The following OR3A2 variants were observed in gnomAD, a reference collection of about 807,000 sequenced individuals.
OR3A2 encodes the protein olfactory receptor 3A2.
For synonymous variants in OR3A2, 126 were observed against 159.3 expected, an observed-to-expected ratio of 0.79 and a Z score of 1.57; for missense variants, 318 against 392.8, an observed-to-expected ratio of 0.81 and a Z score of 1.61.
chr17:3,282,699 A>G (rs1337402958), intron 1 of OR3A2, among the ~76,000 whole-genome samples: 2 of 152,256 alleles, frequency 1.3e-5, no homozygotes, highest in Admixed American at 1.3e-4. Context: ...TATCACTGAC[A>G]GAGGTGGTAA....
chr17:3,279,704 C>G (rs1357617862), intron 1 of OR3A2, among the ~76,000 whole-genome samples: 2 of 152,178 alleles, frequency 1.3e-5, no homozygotes, highest in Non-Finnish European at 2.9e-5. Context: ...AGGAGAATCG[C>G]TTGAACCCGA....
intron 3 of OR3A2, among the ~76,000 whole-genome samples, chr17:3,321,179 T>C (rs1465611973): frequency 6.6e-6 from 1 of 151,180 alleles, no homozygotes; most frequent in Non-Finnish European, 1.5e-5. Flanking sequence ...GGCTCTCTGT[T>C]TGTCTGTTGT....
intron 3 of OR3A2, among the ~76,000 whole-genome samples, chr17:3,326,128 T>A (rs2049169793): frequency 6.6e-6 from 1 of 152,172 alleles, no homozygotes; most frequent in Non-Finnish European, 1.5e-5. Context: ...TCTCATTCAT[T>A]TCTATGGCTG....
intron 3 of OR3A2, among the ~76,000 whole-genome samples, chr17:3,313,174 C>T (rs1234675321): frequency 6.6e-6 from 1 of 152,174 alleles, no homozygotes; most frequent in Admixed American, 6.5e-5. Flanking sequence ...ATTTCTAGAA[C>T]TTATTCTGTA....
chr17:3,346,938 T>C (rs1250897225), intron 2 of OR3A2, among the ~76,000 whole-genome samples: 1 of 152,196 alleles, frequency 6.6e-6, no homozygotes, highest in South Asian at 2.1e-4. Flanking sequence ...CATTTGTCTG[T>C]TGATGGACAC....
At chr17:3,369,322 A>G (rs1223572454) in intron 2 of OR3A2, among the ~76,000 whole-genome samples, 1 of 152,168 alleles carries the variant, frequency 6.6e-6, no homozygotes, top group Non-Finnish European at 1.5e-5. Flanking sequence ...TCCAGTTCTC[A>G]GGGGGAAGGC....
At chr17:3,331,286 C>G (rs1230887884) in intron 3 of OR3A2, among the ~76,000 whole-genome samples, 1 of 152,070 alleles carries the variant, frequency 6.6e-6, no homozygotes, top group East Asian at 1.9e-4. Context: ...GGGAAGTTCT[C>G]CTGGATAACA....
intron 3 of OR3A2, among the ~76,000 whole-genome samples, chr17:3,329,552 G>C (rs1264889545): frequency 1.6e-5 from 2 of 121,960 alleles, no homozygotes; most frequent in Non-Finnish European, 3.3e-5. Flanking sequence ...GGGATCGGTG[G>C]TGATATCCCC....
chr17:3,365,366 G>A (rs1049491130), intron 2 of OR3A2, among the ~76,000 whole-genome samples: 3 of 152,186 alleles, frequency 2.0e-5, no homozygotes, highest in Admixed American at 6.5e-5. Context: ...TGTTGTTTGA[G>A]GAAATAAAGA....
exon 3 of OR3A2, chr17:3,336,120 G>A (rs1325957151): frequency 6.6e-6 from 1 of 152,212 alleles, no homozygotes; most frequent in African/African-American, 2.4e-5. Flanking sequence ...AACATTTTGT[G>A]GCATGTCTGT....
chr17:3,378,317 G>T (rs2150668289), intron 2 of OR3A2, among the ~76,000 whole-genome samples: 1 of 152,328 alleles, frequency 6.6e-6, no homozygotes. Flanking sequence ...CAGGGGGCTG[G>T]CACGTCAGCC....
Position 3,319,579 on chromosome 17 carries a change from T to C in OR3A2, c.-85+16454A>G, listed in dbSNP as rs554617195. Among the ~76,000 whole-genome samples the C allele has an allele frequency of 1.7e-4, 26 of 152,188 alleles. 1 individual carries two copies. The highest frequency in any genetic ancestry group is 6.8e-3 in the Middle Eastern group (2 of 294). On this transcript the variant is annotated intron_variant, in intron 3 of 4. Coordinates refer to the OR3A2 transcript ENST00000573491. ...ATGTGATGTTCCCCTTCCGGGTCCA[T>C]GTGTTCTCACTGTTGAACTCCCACT... is the stretch of plus-strand genomic sequence containing the variant.
chr17:3,347,776 G>A (rs534674410), intron 2 of OR3A2, among the ~76,000 whole-genome samples: 3 of 152,242 alleles, frequency 2.0e-5, no homozygotes, highest in Non-Finnish European at 4.4e-5. Flanking sequence ...GGGATGGCTG[G>A]GTCAAATACT....
At chr17:3,362,397 T>A (rs764691917) in intron 2 of OR3A2, among the ~76,000 whole-genome samples, 1 of 151,634 alleles carries the variant, frequency 6.6e-6, no homozygotes, top group Non-Finnish European at 1.5e-5. Flanking sequence ...TTTTGAAGGG[T>A]TTTTTGTGTC....
At chr17:3,381,207 G>A (rs529802185) in intron 2 of OR3A2, among the ~76,000 whole-genome samples, 17 of 151,984 alleles carry the variant, frequency 1.1e-4, no homozygotes, top group Non-Finnish European at 1.9e-4. Context: ...GTGTGTCTGT[G>A]TGCAAGCGTG....
chr17:3,296,438 T>G (rs770614360), intron 3 of OR3A2, among the ~76,000 whole-genome samples: 3 of 151,804 alleles, frequency 2.0e-5, no homozygotes, highest in Non-Finnish European at 4.4e-5. Context: ...ATAAGAAAAG[T>G]CATAATAAAA....
At chr17:3,342,492 C>T (rs562359090) in intron 2 of OR3A2, among the ~76,000 whole-genome samples, 1 of 152,242 alleles carries the variant, frequency 6.6e-6, no homozygotes, top group South Asian at 2.1e-4. Flanking sequence ...CTATTCCTTT[C>T]TGTTGTTAGT....
chr17:3,285,413 C>G (rs890464439), upstream of OR3A2, among the ~76,000 whole-genome samples: 6 of 152,198 alleles, frequency 3.9e-5, no homozygotes, highest in Non-Finnish European at 8.8e-5. Context: ...TCCTTCCTCA[C>G]AGAGCACTGC....
chr17:3,287,835 A>T (rs1272378016), upstream of OR3A2, among the ~76,000 whole-genome samples: 25 of 151,698 alleles, frequency 1.6e-4, no homozygotes, highest in Non-Finnish European at 3.1e-4. Context: ...TATATATATA[A>T]TATCAATATA....
Sources: allele counts gnomAD v4.1 joint callset (sites outside exome capture counted in the v4.1 genomes callset), GRCh38; gene constraint gnomAD v4.1.1; transcripts MANE v1.5; gene names NCBI Gene and HGNC (gene_info 2026-07-23, HGNC 2026-07-21).